The following FKBP9 variants were observed in gnomAD, a reference collection of about 807,000 sequenced individuals.
FKBP9 encodes peptidyl-prolyl cis-trans isomerase FKBP9.
FKBP9 carries 27 observed loss-of-function variants against 55.6 expected under a neutral mutation model. That is an observed-to-expected ratio of 0.49 (90% CI 0.36 to 0.67). The LOEUF is 0.67. Ranked by LOEUF, FKBP9 falls within the 30% of genes least tolerant of loss-of-function variation. The probability of loss-of-function intolerance (pLI) is 0.00; values close to 1 mark genes in which losing one functional copy is unlikely to be tolerated. For missense variants in FKBP9, 539 were observed against 742.8 expected, an observed-to-expected ratio of 0.73 and a Z score of 3.19; for synonymous variants, 267 against 296.5, an observed-to-expected ratio of 0.90 and a Z score of 1.02.
intron 5 of FKBP9, among the ~76,000 whole-genome samples, chr7:32,986,254 C>T (rs1283267412): frequency 6.6e-6 from 1 of 152,240 alleles, no homozygotes; most frequent in Non-Finnish European, 1.5e-5. Context: ...TATCTCCCCT[C>T]TGCCATGGAA....
At chr7:32,976,216 A>T in intron 3 of FKBP9, 138 bp from the exon 4 acceptor site, 3 of 937,588 alleles carry the variant, frequency 3.2e-6, no homozygotes, top group Non-Finnish European at 3.3e-6. Flanking sequence ...TTGGGGGAAA[A>T]GATCCATAAA....
chr7:32,981,886 G>T (rs1784483621), intron 5 of FKBP9, among the ~76,000 whole-genome samples: 1 of 139,928 alleles, frequency 7.1e-6, no homozygotes, highest in Non-Finnish European at 1.5e-5. Flanking sequence ...AACAGAGCGA[G>T]ACTCTGTCTC....
chr7:33,000,673 G>A (rs1784913429), intron 8 of FKBP9, among the ~76,000 whole-genome samples: 1 of 151,886 alleles, frequency 6.6e-6, no homozygotes, highest in African/African-American at 2.4e-5. Flanking sequence ...GTTTCCTTTG[G>A]GAGAGATTAG....
intron 6 of FKBP9, among the ~76,000 whole-genome samples, chr7:32,992,114 A>C (rs897053457): frequency 2.6e-4 from 39 of 152,138 alleles, no homozygotes; most frequent in African/African-American, 9.4e-4. Flanking sequence ...ATGAGTCCCC[A>C]TTAGGTAGTG....
At chr7:32,974,421 A>G (rs1193183062) in intron 1 of FKBP9, among the ~76,000 whole-genome samples, 196 bp from the exon 2 acceptor site, 1 of 150,812 alleles carries the variant, frequency 6.6e-6, no homozygotes, top group African/African-American at 2.4e-5. Context: ...TGCTGGCAAT[A>G]TTCAAGGTAG....
intron 9 of FKBP9, among the ~76,000 whole-genome samples, chr7:33,004,637 T>C (rs1025524967): frequency 2.6e-5 from 4 of 152,252 alleles, no homozygotes; most frequent in Non-Finnish European, 5.9e-5. Context: ...CTCCGCTTTT[T>C]GATTTTTTTC....
rs777330224 is a variant in FKBP9, at chr7:33,005,205, T to C, written c.1567T>C (p.Ser523Pro). ...FSEYIHAQVA[S>P]GKGKLAPGFD... ...AGAGTACATTCACGCCCAGGTGGCA[T>C]CTGGCAAAGGGAAACTCGCTCCTGG... Residue 523 changes from serine (S) to proline (P), a missense_variant, in exon 10 of 10, where the codon TCT becomes CCT. By Grantham distance (74) the Ser-to-Pro change is moderately conservative. Around this residue, in one of 4 missense-constraint regions of FKBP9, gnomAD observed 102 missense variants for 200.7 expected, o/e 0.51. Coordinates refer to ENST00000242209, the MANE Select transcript of FKBP9 (RefSeq NM_007270.5). The C allele has an allele frequency of 3.1e-6, 5 of 1,614,030 alleles. No individual in the cohort carries two copies. In the South Asian group the frequency reaches 5.5e-5, roughly 18 times the overall value.
intron 9 of FKBP9, among the ~76,000 whole-genome samples, chr7:33,003,213 G>A (rs1028024373): frequency 6.6e-6 from 1 of 152,128 alleles, no homozygotes; most frequent in African/African-American, 2.4e-5. Flanking sequence ...ACTTGTCCAA[G>A]GTCACACATC....
chr7:32,975,384 G>A lies in FKBP9; in HGVS notation c.557+13G>A, dbSNP rs773905071. On this transcript the variant is annotated intron_variant, in intron 3 of 9. Transcript: ENST00000242209. ...TGTTTGATTCGAGGTAAGTCCTGTC[G>A]TTCATGGCAGTATCAGTGAAATGTC... The A allele has an allele frequency of 1.6e-5, 26 of 1,609,528 alleles. No homozygotes were observed. Among genetic ancestry groups the A allele is most frequent in the South Asian group, 8.8e-5 (8 of 90,978 alleles).
chr7:32,971,872 G>A (rs766441440), intron 1 of FKBP9, among the ~76,000 whole-genome samples: 4 of 152,042 alleles, frequency 2.6e-5, no homozygotes, highest in African/African-American at 7.3e-5. Context: ...ATTGTATGAG[G>A]ATTAAATGGT....
At chr7:32,997,095 A>G in intron 7 of FKBP9, among the ~76,000 whole-genome samples, 1 of 151,474 alleles carries the variant, frequency 6.6e-6, no homozygotes, top group South Asian at 2.1e-4. Flanking sequence ...CGCCCGGCCA[A>G]GTCTCACTCT....
At chr7:32,968,539 G>A (rs1438145428) in intron 1 of FKBP9, among the ~76,000 whole-genome samples, 1 of 151,054 alleles carries the variant, frequency 6.6e-6, no homozygotes, top group Non-Finnish European at 1.5e-5. Context: ...ACAAGTGTGT[G>A]TGAGGTAATA....
At chr7:32,967,754 T>C (rs544133332) in intron 1 of FKBP9, among the ~76,000 whole-genome samples, 67 of 138,866 alleles carry the variant, frequency 4.8e-4, no homozygotes, top group Middle Eastern at 7.2e-3. Flanking sequence ...GTGGTTTTTT[T>C]GTTTTGTTTT....
At chr7:33,003,546 C>G (rs889425937) in intron 9 of FKBP9, among the ~76,000 whole-genome samples, 2 of 152,168 alleles carry the variant, frequency 1.3e-5, no homozygotes, top group African/African-American at 4.8e-5. Context: ...TCTCCTAAAC[C>G]CACTCCTTTC....
Position 33,006,707 on chromosome 7 carries a change from C to T in FKBP9, c.*1356C>T. On this transcript the variant is annotated 3_prime_UTR_variant, in exon 10 of 10. Transcript: ENST00000242209. ...CCACCTGCCGACCTGATTCCTGCAT[C>T]ATGGAATAACCACATGGCTACCTTC... The T allele has an allele frequency of 9.3e-6, 2 of 215,046 alleles. No individual in the cohort carries two copies. Among genetic ancestry groups the T allele is most frequent in the East Asian group, 1.4e-4 (2 of 14,664 alleles). 13.3% of individuals were successfully genotyped at this position (215,046 alleles called of 1,614,324 possible).
At chr7:32,977,870 C>CATATATATATATATAT (rs748298046) in intron 4 of FKBP9, among the ~76,000 whole-genome samples, 22 of 124,642 alleles carry the variant, frequency 1.8e-4, no homozygotes, top group African/African-American at 5.7e-4. Flanking sequence ...TATACATGCC[C>CATATATATATATATAT]ATATATATAT....
At chr7:32,998,385 C>T (rs532281239) in intron 7 of FKBP9, among the ~76,000 whole-genome samples, 2 of 152,098 alleles carry the variant, frequency 1.3e-5, no homozygotes, top group Non-Finnish European at 2.9e-5. Flanking sequence ...TCGGAGGCTC[C>T]AGGATCTGCT....
At chr7:32,985,242 C>T (rs1784553407) in intron 5 of FKBP9, among the ~76,000 whole-genome samples, 1 of 149,794 alleles carries the variant, frequency 6.7e-6, no homozygotes. Context: ...ATGGTACGAT[C>T]TCGGCTCACT....
chr7:32,962,897 C>T (rs1262938405), intron 1 of FKBP9, among the ~76,000 whole-genome samples: 1 of 150,948 alleles, frequency 6.6e-6, no homozygotes, highest in Non-Finnish European at 1.5e-5. Flanking sequence ...GAGGGTGGGG[C>T]GACAGGCTCA....
Sources: allele counts gnomAD v4.1 joint callset (sites outside exome capture counted in the v4.1 genomes callset), GRCh38; gene constraint gnomAD v4.1.1; regional missense constraint gnomAD v4.1.1; transcripts MANE v1.5; gene names NCBI Gene and HGNC (gene_info 2026-07-23, HGNC 2026-07-21).